The following STK25 variants were observed in gnomAD, a reference collection of about 807,000 sequenced individuals.
STK25 encodes the protein serine/threonine-protein kinase 25.
A neutral mutation model predicts 53.8 loss-of-function variants in STK25; 29 were observed. That is an observed-to-expected ratio of 0.54 (90% confidence interval 0.40 to 0.74). The LOEUF is 0.74. Ranked by LOEUF, STK25 falls within the 30% of genes least tolerant of loss-of-function variation. The pLI, the probability that STK25 is intolerant of heterozygous loss-of-function variation, is 0.00. For missense variants in STK25, 420 were observed against 568.0 expected, an observed-to-expected ratio of 0.74 and a Z score of 2.65; for synonymous variants, 247 against 238.3, an observed-to-expected ratio of 1.04 and a Z score of -0.33.
Position 241,508,289 on chromosome 2 carries a change from CTCGCCGCCCCTCCCG to C in STK25, c.-101+139_-101+153del, listed in dbSNP as rs1262929292. The C allele has an allele frequency of 1.3e-5, 16 of 1,266,658 alleles. No individual in the cohort carries two copies. The South Asian group carries it at 3.3e-4, about 26-fold the overall frequency. 78.5% of individuals were successfully genotyped at this position (1,266,658 alleles called of 1,614,324 possible). Reference sequence around the variant, plus strand: ...GGCCTAACGCCCAGGCTCCCGGGGGCTCGCCGCCCCTCCCGTCGCCGCCCCCACCTCTTCCAAGGC... The same window carrying C: ...GGCCTAACGCCCAGGCTCCCGGGGGCTCGCCGCCCCCACCTCTTCCAAGGC... On this transcript the variant is annotated intron_variant, in intron 1 of 11. Transcript: ENST00000316586.
intron 4 of STK25, among the ~76,000 whole-genome samples, 193 bp downstream of exon 4, chr2:241,500,547 C>T (rs1443129034): frequency 6.6e-6 from 1 of 152,238 alleles, no homozygotes; most frequent in Non-Finnish European, 1.5e-5. Context: ...CGCCCACTCC[C>T]ACAGGCCAGG....
At chr2:241,497,827 A>G (rs2065261997) in intron 9 of STK25, 140 bp from the exon 10 acceptor site, 3 of 819,264 alleles carry the variant, frequency 3.7e-6, no homozygotes, top group Non-Finnish European at 5.9e-6. Context: ...GCCGGCCCCA[A>G]AACCATCAAG....
chr2:241,498,891 C>A, intron 7 of STK25, 98 bp downstream of exon 7: 1 of 1,606,498 alleles, frequency 6.2e-7, no homozygotes, highest in Non-Finnish European at 8.5e-7. Context: ...AGCTACAAGG[C>A]TGGTGGGCCT....
chr2:241,508,061 CA>C lies in STK25; in HGVS notation c.-27del. On this transcript the variant is annotated 5_prime_UTR_variant, in exon 2 of 12. Coordinates refer to ENST00000316586, the MANE Select transcript of STK25 (RefSeq NM_001271977.2). ...GGCCGCGCCGCCTCAGACCCTCCGC[CA>C]GCAGCCCCAGGAGGCGTCTGGATCC... 6.3e-7 allele frequency: 1 copy of C among 1,592,578 alleles called. No individual in the cohort carries two copies. Among genetic ancestry groups the C allele is most frequent in the Non-Finnish European group, 8.5e-7 (1 of 1,171,032 alleles).
Position 241,508,196 on chromosome 2 carries a change from G to A in STK25, c.-100-61C>T, listed in dbSNP as rs1366526222. On this transcript the variant is annotated intron_variant, in intron 1 of 11. Transcript: ENST00000316586. Reference sequence around the variant, plus strand: ...CAGTCATCTGAGACCGACCTCCGGGGCGGCGGGCTCCATGGGTGGGGGGGG... The same window carrying A: ...CAGTCATCTGAGACCGACCTCCGGGACGGCGGGCTCCATGGGTGGGGGGGG... The A allele has an allele frequency of 1.4e-5, 19 of 1,357,698 alleles. No homozygotes were observed. The South Asian group carries it at 1.6e-4, about 11-fold the overall frequency. The allele number at this position is 1,357,698 out of a possible 1,614,324, so 84.1% of individuals were successfully genotyped here. A position where few individuals can be genotyped will look rare whatever the true frequency, so the allele number is the denominator to read the frequency against.
At chr2:241,499,979 T>C (rs2065409059) in intron 5 of STK25, 194 bp downstream of exon 5, 1 of 684,054 alleles carries the variant, frequency 1.5e-6, no homozygotes, top group Non-Finnish European at 2.7e-6. Flanking sequence ...TTCCTCAGCG[T>C]ACAAGGAAAC....
intron 2 of STK25, 63 bp downstream of exon 2, chr2:241,507,943 C>T (rs1339793947): frequency 1.5e-5 from 23 of 1,491,016 alleles, no homozygotes; most frequent in Non-Finnish European, 2.0e-5. Context: ...CTCTGAACCC[C>T]CAGGAGACTC....
chr2:241,497,542 A>C, intron 10 of STK25, 74 bp downstream of exon 10: 1 of 1,462,648 alleles, frequency 6.8e-7, no homozygotes, highest in Non-Finnish European at 9.6e-7. Flanking sequence ...GCTGTGAGGG[A>C]GACATCTCCG....
chr2:241,499,343 C>T lies in STK25; in HGVS notation c.499G>A (p.Asp167Asn). ...AATGTGTTCCTCTTAATCTGCGTGTCTGTGAGCTGCCCTGCTACCCCAAAG... is the reference window on the plus strand; with the variant it reads ...AATGTGTTCCTCTTAATCTGCGTGTTTGTGAGCTGCCCTGCTACCCCAAAG... ...ADFGVAGQLT[D>N]TQIKRNTFVG... is the part of the protein sequence containing the mutation. Residue 167 changes from aspartate (D) to asparagine (N), a missense_variant, in exon 6 of 12, where the codon GAC becomes AAC. Transcript: ENST00000316586. 1 of 1,614,030 alleles carries T rather than the reference C, an allele frequency of 6.2e-7. No homozygotes were observed. Among genetic ancestry groups the T allele is most frequent in the Non-Finnish European group, 8.5e-7 (1 of 1,179,984 alleles).
chr2:241,499,602 G>C, intron 5 of STK25, 188 bp from the exon 6 acceptor site: 2 of 677,676 alleles, frequency 3.0e-6, no homozygotes, highest in Non-Finnish European at 4.9e-6. Flanking sequence ...CTGCCAGCAG[G>C]AGCCCAACGG....
Position 241,495,447 on chromosome 2 carries a change from G to C in STK25, c.*215C>G. On this transcript the variant is annotated 3_prime_UTR_variant, in exon 12 of 12. Transcript: ENST00000316586. ...GGGCCAGGAGAGGGAGGAGGGCAGT[G>C]GGCATAGAGAACAGCGTCCCTGACG... 1.7e-6 allele frequency: 1 copy of C among 573,886 alleles called. No homozygotes were observed. The highest frequency in any genetic ancestry group is 3.1e-6 in the Non-Finnish European group (1 of 319,904). The allele number at this position is 573,886 out of a possible 1,614,324, so 35.5% of individuals were successfully genotyped here.
At chr2:241,502,413 T>C (rs1388925063) in intron 2 of STK25, among the ~76,000 whole-genome samples, 2 of 152,098 alleles carry the variant, frequency 1.3e-5, no homozygotes, top group African/African-American at 4.8e-5. Context: ...AGCTCTTACT[T>C]AATTTGTTAT....
intron 2 of STK25, 114 bp downstream of exon 2, chr2:241,507,892 T>A: frequency 9.0e-7 from 1 of 1,109,036 alleles, no homozygotes; most frequent in Non-Finnish European, 1.3e-6. Context: ...CGACGCGCGC[T>A]CCTTCCCTCA....
In STK25 at chr2:241,498,277, G is replaced by A. The variant is rs147254982; in HGVS notation, c.990C>T (p.His330=). The change falls in exon 9 of 12, where the codon CAC becomes CAT. Residue 330 remains histidine (H), a synonymous_variant. Coordinates refer to ENST00000316586, the MANE Select transcript of STK25 (RefSeq NM_001271977.2). The part of the protein sequence containing the change: ...TFPPTIRPSP[H]SKLHKGTALH... ...GGGCCGTCCCCTTGTGAAGCTTGCT[G>A]TGTGGACTCGGCCGGATGGTAGGGG... 1.4e-3 allele frequency: 2,185 copies of A among 1,612,010 alleles called. 1 individual carries two copies. Among genetic ancestry groups the A allele is most frequent in the Non-Finnish European group, 1.5e-3 (1,783 of 1,178,414 alleles).
rs994046737 is a variant in STK25 at position 241,495,253 on chromosome 2, G to A, written c.*409C>T. The A allele has an allele frequency of 8.4e-5, 16 of 189,744 alleles. No individual in the cohort carries two copies. The highest frequency in any genetic ancestry group is 3.7e-4 in the African/African-American group (16 of 42,944). The allele number at this position is 189,744 out of a possible 1,614,324, so 11.8% of individuals were successfully genotyped here. A position where few individuals can be genotyped will look rare whatever the true frequency, so the allele number is the denominator to read the frequency against. On this transcript the variant is annotated 3_prime_UTR_variant, in exon 12 of 12. Coordinates refer to ENST00000316586, the MANE Select transcript of STK25 (RefSeq NM_001271977.2). ...CAGCGGCCAGGACACTCCTCTGGGGGCTGCCCTGTTGCCTCTCCCCACCTC... is the reference window on the plus strand; with the variant it reads ...CAGCGGCCAGGACACTCCTCTGGGGACTGCCCTGTTGCCTCTCCCCACCTC...
chr2:241,500,789 T>C lies in STK25; in HGVS notation c.269A>G (p.Lys90Arg). The part of the protein sequence containing the change: ...RYFGSYLKST[K>R]LWIIMEYLGG... ...CAGGTACTCCATGATGATCCATAGCTTGGTGCTCTGGGACCGGAGACAAAC... is the reference window on the plus strand; with the variant it reads ...CAGGTACTCCATGATGATCCATAGCCTGGTGCTCTGGGACCGGAGACAAAC... The change falls in exon 4 of 12, where the codon AAG becomes AGG. Residue 90 changes from lysine (K) to arginine (R), a missense_variant. By Grantham distance (26) the Lys-to-Arg change is conservative. Transcript: ENST00000316586. 1 of 1,613,798 alleles carries C rather than the reference T, an allele frequency of 6.2e-7. No individual in the cohort carries two copies. Among genetic ancestry groups the C allele is most frequent in the Non-Finnish European group, 8.5e-7 (1 of 1,179,854 alleles).
intron 9 of STK25, 27 bp from the exon 10 acceptor site, chr2:241,497,714 A>G: frequency 6.2e-7 from 1 of 1,610,722 alleles, no homozygotes; most frequent in Non-Finnish European, 8.5e-7. Context: ...GCCCAGGGTG[A>G]GCAGGGCAGT....
intron 8 of STK25, 30 bp downstream of exon 8, chr2:241,498,609 G>A (rs1304405776): frequency 1.3e-6 from 2 of 1,599,836 alleles, no homozygotes; most frequent in Non-Finnish European, 1.7e-6. Context: ...CAGCACCTAG[G>A]GTCACCATGA....
Position 241,498,337 on chromosome 2 carries a change from C to T in STK25, c.930G>A (p.Ala310=), listed in dbSNP as rs370416984. 2.7e-5 allele frequency: 43 copies of T among 1,592,920 alleles called. No homozygotes were observed. Among genetic ancestry groups the T allele is most frequent in the South Asian group, 9.0e-5 (8 of 88,716 alleles). Residue 310 remains alanine, a synonymous_variant, in exon 9 of 12, where the codon GCG becomes GCA. Transcript: ENST00000316586. The part of the protein sequence containing the change: ...SSEDSDIDGE[A]EDGEQGPIWT... ...AGATGGGGCCCTGCTCCCCGTCCTCCGCCTCGCCATCACTGAAGAGGATGA... is the reference window on the plus strand; with the variant it reads ...AGATGGGGCCCTGCTCCCCGTCCTCTGCCTCGCCATCACTGAAGAGGATGA...
Sources: allele counts gnomAD v4.1 joint callset (sites outside exome capture counted in the v4.1 genomes callset), GRCh38; gene constraint gnomAD v4.1.1; transcripts MANE v1.5; gene names NCBI Gene and HGNC (gene_info 2026-07-23, HGNC 2026-07-21).